The following AHCYL2 variants were observed in gnomAD, a reference collection of about 807,000 sequenced individuals.
The protein encoded by AHCYL2 is adenosylhomocysteinase like 2.
AHCYL2 carries 28 observed loss-of-function variants against 81.4 expected under a neutral mutation model. The ratio of observed to expected loss-of-function variants is 0.34; its 90% CI spans 0.25 to 0.47. The LOEUF is 0.47. Among genes scored for constraint, AHCYL2 ranks in the 20% least tolerant of loss-of-function variants. The pLI is 1.00. For missense variants in AHCYL2, 551 were observed against 785.1 expected (o/e 0.70, Z 3.56); for synonymous variants, 272 against 290.2 (o/e 0.94, Z 0.64).
chr7:129,423,159 C>T (rs550674960), intron 13 of AHCYL2, among the ~76,000 whole-genome samples: 1 of 152,306 alleles, frequency 6.6e-6, no homozygotes, highest in South Asian at 2.1e-4. Flanking sequence ...TGTCTCTCCA[C>T]GTCAATCCAC....
intron 1 of AHCYL2, among the ~76,000 whole-genome samples, chr7:129,275,429 TG>T (rs1281796967): frequency 6.6e-6 from 1 of 151,936 alleles, no homozygotes; most frequent in Non-Finnish European, 1.5e-5. Context: ...AAAAAATAAC[TG>T]GAACATTGCC....
At chr7:129,294,550 A>G (rs931375898) in intron 1 of AHCYL2, among the ~76,000 whole-genome samples, 8 of 152,322 alleles carry the variant, frequency 5.3e-5, no homozygotes, top group Non-Finnish European at 1.5e-5. Flanking sequence ...TCAATTTACC[A>G]TAAGTCACAC....
At chr7:129,242,218 A>G (rs759175085) in intron 1 of AHCYL2, among the ~76,000 whole-genome samples, 4 of 151,974 alleles carry the variant, frequency 2.6e-5, no homozygotes, top group Non-Finnish European at 5.9e-5. Flanking sequence ...TTACACATTC[A>G]TCTCACTGTG....
At chr7:129,318,201 A>T (rs1720588292) in intron 1 of AHCYL2, among the ~76,000 whole-genome samples, 1 of 152,210 alleles carries the variant, frequency 6.6e-6, no homozygotes, top group South Asian at 2.1e-4. Flanking sequence ...TCAGAGAAGG[A>T]AATGGACTGA....
chr7:129,248,985 C>CA (rs200064237), intron 1 of AHCYL2, among the ~76,000 whole-genome samples: 486 of 144,912 alleles, frequency 3.4e-3, no homozygotes, highest in African/African-American at 0.012. Flanking sequence ...GTAAAGTTTA[C>CA]TAACAATAAA....
intron 1 of AHCYL2, among the ~76,000 whole-genome samples, chr7:129,297,339 G>T (rs1280185528): frequency 6.6e-6 from 1 of 152,182 alleles, no homozygotes; most frequent in Non-Finnish European, 1.5e-5. Flanking sequence ...GGGCTGAGTT[G>T]TGCATACTGC....
rs554700791 is a variant in AHCYL2, at chr7:129,227,941, A to G, written c.363+2502A>G. On this transcript the variant is annotated intron_variant, in intron 1 of 16. Coordinates refer to ENST00000325006, the MANE Select transcript of AHCYL2 (RefSeq NM_015328.4). ...GCTGCTTTTCAGGTGCCCAATCTTT[A>G]ACCTTCTTGATATTGAATTGGCTAA... Among the ~76,000 whole-genome samples the G allele has an allele frequency of 2.0e-5, 3 of 152,330 alleles. No individual in the cohort carries two copies. The East Asian group carries it at 5.8e-4, about 29-fold the overall frequency.
chr7:129,225,959 T>C (rs551537425), intron 1 of AHCYL2, among the ~76,000 whole-genome samples: 2 of 152,334 alleles, frequency 1.3e-5, no homozygotes, highest in South Asian at 4.1e-4. Context: ...ACCGTGGCCA[T>C]ACAGCAACAC....
intron 1 of AHCYL2, among the ~76,000 whole-genome samples, chr7:129,323,106 G>GA (rs985517648): frequency 3.9e-5 from 6 of 151,914 alleles, no homozygotes; most frequent in African/African-American, 1.4e-4. Context: ...TTCTGCTGTG[G>GA]AAAAAAATCT....
chr7:129,299,391 T>TTTTTTTTTTTTTTTTTTTTTTTTG, intron 1 of AHCYL2, among the ~76,000 whole-genome samples: 1 of 93,334 alleles, frequency 1.1e-5, no homozygotes, highest in Non-Finnish European at 2.2e-5. Context: ...TTTTTTTTTT[T>TTTTTTTTTTTTTTTTTTTTTTTTG]TTTTTTTTTT....
At chr7:129,271,167 C>G (rs1378215633) in intron 1 of AHCYL2, among the ~76,000 whole-genome samples, 2 of 151,856 alleles carry the variant, frequency 1.3e-5, no homozygotes, top group Non-Finnish European at 2.9e-5. Context: ...TGAGACCATC[C>G]TGGCTAACAC....
Position 129,284,691 on chromosome 7 carries a change from A to C in AHCYL2, c.363+59252A>C, listed in dbSNP as rs1175528971. Among the ~76,000 whole-genome samples, 7 of 152,042 alleles carry C rather than the reference A, an allele frequency of 4.6e-5. No individual in the cohort carries two copies. The East Asian group carries it at 1.4e-3, about 29-fold the overall frequency. On this transcript the variant is annotated intron_variant, in intron 1 of 16. Coordinates refer to ENST00000325006, the MANE Select transcript of AHCYL2 (RefSeq NM_015328.4). ...ACATATGGGAGTATGAAGATAAGGAATCTCTTGGAGAATTCTAGCTTGTGA... is the reference window on the plus strand; with the variant it reads ...ACATATGGGAGTATGAAGATAAGGACTCTCTTGGAGAATTCTAGCTTGTGA...
At chr7:129,393,814 T>C (rs1795581389) in intron 4 of AHCYL2, among the ~76,000 whole-genome samples, 1 of 152,202 alleles carries the variant, frequency 6.6e-6, no homozygotes, top group Non-Finnish European at 1.5e-5. Flanking sequence ...TAATGTGCTC[T>C]TTGCTTTTGA....
chr7:129,423,228 T>C (rs1376114801), intron 13 of AHCYL2, among the ~76,000 whole-genome samples: 1 of 152,210 alleles, frequency 6.6e-6, no homozygotes, highest in East Asian at 1.9e-4. Flanking sequence ...CAGTGCCACT[T>C]TGAGTGATGC....
At chr7:129,361,137 G>A (rs1024470599) in intron 1 of AHCYL2, among the ~76,000 whole-genome samples, 4 of 152,138 alleles carry the variant, frequency 2.6e-5, no homozygotes, top group Admixed American at 6.5e-5. Flanking sequence ...AGTTTGAAAA[G>A]CACCGATTTA....
chr7:129,240,022 G>A (rs1450109313), intron 1 of AHCYL2, among the ~76,000 whole-genome samples: 2 of 152,006 alleles, frequency 1.3e-5, no homozygotes, highest in Non-Finnish European at 2.9e-5. Flanking sequence ...TTGAGAGTTC[G>A]AGACCAGCTT....
intron 7 of AHCYL2, among the ~76,000 whole-genome samples, chr7:129,404,414 C>T (rs1277079130): frequency 6.6e-6 from 1 of 152,016 alleles, no homozygotes; most frequent in Non-Finnish European, 1.5e-5. Flanking sequence ...AACCAGCCAC[C>T]ATCACTGCTT....
Position 129,263,523 on chromosome 7 carries a change from T to C in AHCYL2, c.363+38084T>C, listed in dbSNP as rs150117289. ...CTTTCCGGGATTACCTGGGAGCATC[T>C]GGTGACTGTGTTCCCAGTGACTTGA... On this transcript the variant is annotated intron_variant, in intron 1 of 16. Transcript: ENST00000325006. Among the ~76,000 whole-genome samples the C allele has an allele frequency of 2.8e-3, 428 of 152,344 alleles. 4 individuals carry two copies. Among genetic ancestry groups the C allele is most frequent in the African/African-American group, 9.7e-3 (403 of 41,578 alleles).
chr7:129,313,018 C>T (rs939477578), intron 1 of AHCYL2, among the ~76,000 whole-genome samples: 1 of 152,194 alleles, frequency 6.6e-6, no homozygotes, highest in Non-Finnish European at 1.5e-5. Context: ...CTCTTAACCA[C>T]TTTCTAACAT....
Sources: gnomAD v4.1 joint callset for allele counts (sites outside exome capture counted in the v4.1 genomes callset) on GRCh38, gnomAD v4.1.1 for gene constraint, MANE v1.5 for transcripts, NCBI Gene and HGNC (gene_info 2026-07-23, HGNC 2026-07-21) for gene names.